LPCAT1: variants seen among roughly 807,000 people sequenced by gnomAD.
LPCAT1 encodes lysophosphatidylcholine acyltransferase 1.
LPCAT1 carries 23 observed loss-of-function variants against 60.9 expected under a neutral mutation model. The observed-to-expected ratio is 0.38, with a 90% CI of 0.27 to 0.53. The LOEUF (loss-of-function observed/expected upper bound fraction) is 0.53. Among genes scored for constraint, LPCAT1 ranks in the 20% least tolerant of loss-of-function variants. The probability of loss-of-function intolerance (pLI) is 0.82; values close to 1 mark genes in which losing one functional copy is unlikely to be tolerated. For missense variants in LPCAT1, 622 were observed against 723.6 expected, an observed-to-expected ratio of 0.86 and a Z score of 1.61; for synonymous variants, 340 against 301.1, an observed-to-expected ratio of 1.13 and a Z score of -1.34.
At chr5:1,485,930 C>T (rs1017506306) in intron 5 of LPCAT1, among the ~76,000 whole-genome samples, 1 of 152,248 alleles carries the variant, frequency 6.6e-6, no homozygotes, top group African/African-American at 2.4e-5. Context: ...CCTCTGCATC[C>T]TCGGGCTGTC....
At position 1,518,292 on chromosome 5, in the gene LPCAT1, T is replaced by C. The variant is rs534874952; in HGVS notation, c.135+5418A>G. Reference sequence around the variant, plus strand: ...AAAAGAGAAAAATATAAGACAGAGCTGATGTCTTACCCCAGGTTGCTTGTC... The same window carrying C: ...AAAAGAGAAAAATATAAGACAGAGCCGATGTCTTACCCCAGGTTGCTTGTC... On this transcript the variant is annotated intron_variant, in intron 1 of 13. Coordinates refer to ENST00000283415, the MANE Select transcript of LPCAT1 (RefSeq NM_024830.5). Among the ~76,000 whole-genome samples, 179 of 152,340 alleles carry C rather than the reference T, an allele frequency of 1.2e-3. 1 individual carries two copies. The highest frequency in any genetic ancestry group is 2.2e-3 in the Non-Finnish European group (153 of 68,026).
At chr5:1,478,139 A>G (rs1055006671) in intron 8 of LPCAT1, among the ~76,000 whole-genome samples, 7 of 152,288 alleles carry the variant, frequency 4.6e-5, no homozygotes, top group African/African-American at 1.7e-4. Flanking sequence ...CACCTCTTGC[A>G]TTTTGAAACT....
chr5:1,501,608 AG>A lies in LPCAT1; in HGVS notation c.136-6del, dbSNP rs1470141264. 6.2e-7 allele frequency: 1 copy of A among 1,613,574 alleles called. No homozygotes were observed. The highest frequency in any genetic ancestry group is 1.3e-5 in the African/African-American group (1 of 74,894). ...CGTCAGTGTCATGAGGGCCACCTGCAGACAGAGGGGGGCATTATCCAGAGAA... is the reference window on the plus strand; with the variant it reads ...CGTCAGTGTCATGAGGGCCACCTGCAACAGAGGGGGGCATTATCCAGAGAA... On this transcript the variant is annotated splice_region_variant and splice_polypyrimidine_tract_variant and intron_variant, in intron 1 of 13. Transcript: ENST00000283415.
Position 1,500,203 on chromosome 5 carries a change from G to A in LPCAT1, c.278+1258C>T, listed in dbSNP as rs1735954274. On this transcript the variant is annotated intron_variant, in intron 2 of 13. Transcript: ENST00000283415. Reference sequence around the variant, plus strand: ...AGGGAGCCCCTCCAGAATGATGAGAGATGTTAACAACACATGGAAGGGTTG... The same window carrying A: ...AGGGAGCCCCTCCAGAATGATGAGAAATGTTAACAACACATGGAAGGGTTG... Among the ~76,000 whole-genome samples, 4 of 152,258 alleles carry A rather than the reference G, an allele frequency of 2.6e-5. No individual in the cohort carries two copies. In the South Asian group the frequency reaches 8.3e-4, roughly 31 times the overall value.
rs1318030233 is a variant in LPCAT1 at position 1,479,608 on chromosome 5, T to C, written c.816+13A>G. The C allele has an allele frequency of 5.7e-6, 9 of 1,589,066 alleles. No individual in the cohort carries two copies. The highest frequency in any genetic ancestry group is 1.1e-5 in the South Asian group (1 of 90,594). ...CTGTGAAGAGCGCTGTGTAACTCTG[T>C]ATCCATACGAACCTCGATTTCCACT... On this transcript the variant is annotated intron_variant, in intron 8 of 13. Transcript: ENST00000283415.
Position 1,463,275 on chromosome 5 carries a change from TGA to T in LPCAT1, c.*374_*375del. 4.8e-6 allele frequency: 1 copy of T among 208,874 alleles called. No homozygotes were observed. The highest frequency in any genetic ancestry group is 5.5e-5 in the Admixed American group (1 of 18,172). 12.9% of individuals were successfully genotyped at this position (208,874 alleles called of 1,614,324 possible). A position where few individuals can be genotyped will look rare whatever the true frequency, so the allele number is the denominator to read the frequency against. ...CGCACGCTGTGTGGCAGGCGTGTGCTGAGTGTGCACGGAGGCCCGCCCGGTGC... is the reference window on the plus strand; with the variant it reads ...CGCACGCTGTGTGGCAGGCGTGTGCTGTGTGCACGGAGGCCCGCCCGGTGC... On this transcript the variant is annotated 3_prime_UTR_variant, in exon 14 of 14. Transcript: ENST00000283415.
Position 1,498,480 on chromosome 5 carries a change from A to G in LPCAT1, c.278+2981T>C, listed in dbSNP as rs533906518. Among the ~76,000 whole-genome samples the G allele has an allele frequency of 7.9e-5, 12 of 152,320 alleles. No individual in the cohort carries two copies. The East Asian group carries it at 2.1e-3, about 27-fold the overall frequency. ...CAAGCATCCGTGCATACTCCCACAC[A>G]TGCACACATTCACACACATACACAG... On this transcript the variant is annotated intron_variant, in intron 2 of 13. Transcript: ENST00000283415.
intron 1 of LPCAT1, among the ~76,000 whole-genome samples, chr5:1,514,600 T>C (rs1056397506): frequency 6.6e-6 from 1 of 152,054 alleles, no homozygotes; most frequent in Non-Finnish European, 1.5e-5. Flanking sequence ...AATTCCGAGG[T>C]TGGGAATGCA....
chr5:1,480,886 C>A lies in LPCAT1; in HGVS notation c.761+56G>T, dbSNP rs73031867. On this transcript the variant is annotated intron_variant, in intron 7 of 13. Coordinates refer to ENST00000283415, the MANE Select transcript of LPCAT1 (RefSeq NM_024830.5). The surrounding 1 kb of genome is among the most constrained non-coding windows in gnomAD (Gnocchi z 6.4). ...AGCGTGCACAGCAGACCCCAAGCAGCCCCTACGTGTTCATGGAACAACAGG... is the reference window on the plus strand; with the variant it reads ...AGCGTGCACAGCAGACCCCAAGCAGACCCTACGTGTTCATGGAACAACAGG... 3 of 1,603,832 alleles carry A rather than the reference C, an allele frequency of 1.9e-6. No individual in the cohort carries two copies. Among genetic ancestry groups the A allele is most frequent in the Non-Finnish European group, 2.6e-6 (3 of 1,171,212 alleles).
chr5:1,473,721 C>A (rs1400882600), intron 11 of LPCAT1, among the ~76,000 whole-genome samples: 2 of 152,236 alleles, frequency 1.3e-5, no homozygotes, highest in Non-Finnish European at 2.9e-5. Context: ...CACTGAAAAA[C>A]CCCAAACCAC....
rs570762258 is a variant in LPCAT1, at chr5:1,483,238, C to T, written c.726+190G>A. Among the ~76,000 whole-genome samples, 400 of 152,230 alleles carry T rather than the reference C, an allele frequency of 2.6e-3. No homozygotes were observed. The highest frequency in any genetic ancestry group is 9.2e-3 in the African/African-American group (384 of 41,526). ...GAACAGGCCGCACTCAGGAACGTGC[C>T]GAGCCCAGGGCCCGGGCCTGTCCTG... On this transcript the variant is annotated intron_variant, in intron 6 of 13. Transcript: ENST00000283415. The surrounding 1 kb of genome is among the most constrained non-coding windows in gnomAD (Gnocchi z 9.2).
chr5:1,503,727 T>C (rs1736098554), intron 1 of LPCAT1, among the ~76,000 whole-genome samples: 1 of 152,220 alleles, frequency 6.6e-6, no homozygotes. Flanking sequence ...CTACTGTTTA[T>C]AGAGTCCCTT....
chr5:1,491,112 T>A (rs543609127), intron 3 of LPCAT1, among the ~76,000 whole-genome samples: 29 of 146,484 alleles, frequency 2.0e-4, no homozygotes, highest in African/African-American at 7.0e-4. Context: ...GTCTGTTGGG[T>A]CTCTGTGGTC....
At chr5:1,507,101 C>T (rs62331146) in intron 1 of LPCAT1, among the ~76,000 whole-genome samples, 9,796 of 152,158 alleles carry the variant, frequency 0.064, 352 homozygotes, top group Middle Eastern at 0.14. Flanking sequence ...AGGCTGAATG[C>T]GGAGAGGGGG....
rs975116175 is a variant in LPCAT1, at chr5:1,513,144, C to T, written c.135+10566G>A. Reference sequence around the variant, plus strand: ...AAGATGACCGATGGCAGGCAGGTGCCGGAGCCGCTCCTCCGGTCCCCAGGC... The same window carrying T: ...AAGATGACCGATGGCAGGCAGGTGCTGGAGCCGCTCCTCCGGTCCCCAGGC... On this transcript the variant is annotated intron_variant, in intron 1 of 13. Transcript: ENST00000283415. 3.9e-5 allele frequency among the ~76,000 whole-genome samples: 6 copies of T among 152,150 alleles called. No individual in the cohort carries two copies. The South Asian group carries it at 6.2e-4, about 16-fold the overall frequency.
At chr5:1,501,310 G>T in intron 2 of LPCAT1, 151 bp downstream of exon 2, 1 of 1,082,786 alleles carries the variant, frequency 9.2e-7, no homozygotes, top group East Asian at 2.6e-5. Flanking sequence ...AGTCCCCACT[G>T]GCAGGGGGCA....
chr5:1,489,979 G>A, intron 3 of LPCAT1, 121 bp from the exon 4 acceptor site: 1 of 730,008 alleles, frequency 1.4e-6, no homozygotes, highest in South Asian at 1.6e-5. Flanking sequence ...TGCCCCAGGG[G>A]CTGTGCCATG....
In LPCAT1 at chr5:1,481,016, C is replaced by T. The variant is rs1270955831; in HGVS notation, c.727-40G>A. ...GCAGGGTCAGTCAGCATGGGGCCTGCACCCAGGGCCTGCACCAAGCACCTG... is the reference window on the plus strand; with the variant it reads ...GCAGGGTCAGTCAGCATGGGGCCTGTACCCAGGGCCTGCACCAAGCACCTG... On this transcript the variant is annotated intron_variant, in intron 6 of 13. Coordinates refer to ENST00000283415, the MANE Select transcript of LPCAT1 (RefSeq NM_024830.5). This position sits in a 1 kb window ranked among gnomAD's most constrained non-coding sequence, Gnocchi z 7.8. 6.3e-7 allele frequency: 1 copy of T among 1,593,004 alleles called. No individual in the cohort carries two copies.
intron 2 of LPCAT1, among the ~76,000 whole-genome samples, chr5:1,497,545 G>C (rs1163825502): frequency 1.3e-5 from 2 of 152,268 alleles, no homozygotes; most frequent in Admixed American, 6.5e-5. Flanking sequence ...GCCACGTCTG[G>C]CGGGGCTTCA....
Sources: gnomAD v4.1 joint callset for allele counts (sites outside exome capture counted in the v4.1 genomes callset) on GRCh38, gnomAD v4.1.1 for gene constraint, Gnocchi (gnomAD v3.1) non-coding constraint, MANE v1.5 for transcripts, NCBI Gene and HGNC (gene_info 2026-07-23, HGNC 2026-07-21) for gene names.